SCAF11: variants seen among roughly 807,000 people sequenced by gnomAD.
The protein encoded by SCAF11 is protein SCAF11.
A neutral mutation model predicts 140.5 loss-of-function variants in SCAF11; 47 were observed. The ratio of observed to expected loss-of-function variants is 0.33; its 90% CI spans 0.26 to 0.43. The LOEUF is 0.43. Ranked by LOEUF, SCAF11 falls within the 20% of genes least tolerant of loss-of-function variation. The pLI is 1.00. For missense variants in SCAF11, 1,645 were observed against 1,705.1 expected (o/e 0.96, Z 0.62); for synonymous variants, 557 against 579.4 (o/e 0.96, Z 0.55).
intron 1 of SCAF11, among the ~76,000 whole-genome samples, chr12:45,972,963 T>TCG (rs1946137745): frequency 7.7e-6 from 1 of 129,424 alleles, no homozygotes; most frequent in Non-Finnish European, 1.6e-5. Context: ...TATATAGATA[T>TCG]ATATATAGAT....
chr12:45,990,580 T>TC, upstream of SCAF11: 1 of 1,229,404 alleles, frequency 8.1e-7, no homozygotes, highest in Non-Finnish European at 1.0e-6. Context: ...TACTCCCCCT[T>TC]CCCCCGCCTT....
chr12:45,945,116 G>A (rs1945389419), intron 6 of SCAF11, 133 bp downstream of exon 6: 6 of 650,384 alleles, frequency 9.2e-6, no homozygotes, highest in Middle Eastern at 2.9e-4. Flanking sequence ...ATTTATGTAG[G>A]ATTTAACACA....
rs1028890771 is a variant in SCAF11, at chr12:45,928,227, C to T, written c.1474G>A (p.Val492Ile). ...LPVLVGEEGE[V>I]KKLENTGIEA... ...ATACCTGTATTCTCGAGTTTTTTAA[C>T]TTCCCCTTCCTCACCAACTAGCACA... is the stretch of plus-strand genomic sequence containing the variant. The change falls in exon 11 of 15, where the codon GTT becomes ATT. Residue 492 changes from valine to isoleucine, a missense_variant. Val to Ile is a conservative substitution (Grantham distance 29). Transcript: ENST00000369367. 6.2e-7 allele frequency: 1 copy of T among 1,614,008 alleles called. No homozygotes were observed. Among genetic ancestry groups the T allele is most frequent in the South Asian group, 1.1e-5 (1 of 91,084 alleles).
intron 6 of SCAF11, among the ~76,000 whole-genome samples, chr12:45,940,792 C>T (rs1270110555): frequency 1.3e-5 from 2 of 152,074 alleles, no homozygotes; most frequent in East Asian, 3.9e-4. Flanking sequence ...TCTTCCTTTT[C>T]AGTCTTATTT....
At chr12:45,982,906 C>T (rs975236457) in intron 1 of SCAF11, among the ~76,000 whole-genome samples, 3 of 152,052 alleles carry the variant, frequency 2.0e-5, no homozygotes, top group South Asian at 2.1e-4. Context: ...TATCACTTCC[C>T]GGTACAAGGA....
chr12:45,934,094 C>A, intron 8 of SCAF11, 82 bp downstream of exon 8: 2 of 800,200 alleles, frequency 2.5e-6, no homozygotes, highest in Non-Finnish European at 3.7e-6. Flanking sequence ...TTATTGGGCC[C>A]AGAGTTTAAA....
At chr12:45,939,670 C>A (rs1210530962) in intron 6 of SCAF11, among the ~76,000 whole-genome samples, 1 of 152,212 alleles carries the variant, frequency 6.6e-6, no homozygotes, top group East Asian at 1.9e-4. Context: ...TGAGATCGTG[C>A]CATTGCACTC....
intron 1 of SCAF11, among the ~76,000 whole-genome samples, chr12:45,986,519 T>C (rs2136674671): frequency 6.6e-6 from 1 of 152,304 alleles, no homozygotes; most frequent in Admixed American, 6.5e-5. Context: ...CTCTCCTCCC[T>C]TTCAATACAC....
chr12:45,984,656 G>C (rs1374842490), intron 1 of SCAF11, among the ~76,000 whole-genome samples: 2 of 150,402 alleles, frequency 1.3e-5, no homozygotes, highest in Non-Finnish European at 3.0e-5. Context: ...AGCCTTTCAA[G>C]ATAGTTTCTG....
chr12:45,952,730 G>A (rs1434385092), intron 3 of SCAF11, among the ~76,000 whole-genome samples: 1 of 152,088 alleles, frequency 6.6e-6, no homozygotes, highest in African/African-American at 2.4e-5. Context: ...TTTTCTATTA[G>A]GGTAGGAGGG....
At chr12:45,982,146 T>G (rs1378139790) in intron 1 of SCAF11, among the ~76,000 whole-genome samples, 1 of 152,180 alleles carries the variant, frequency 6.6e-6, no homozygotes. Context: ...ATGAAGCTAT[T>G]TCGTTTCATC....
intron 11 of SCAF11, among the ~76,000 whole-genome samples, chr12:45,925,351 G>A (rs2136499608): frequency 6.6e-6 from 1 of 152,200 alleles, no homozygotes; most frequent in African/African-American, 2.4e-5. Flanking sequence ...TCAGGTGTTC[G>A]AGAGCAGCCT....
intron 1 of SCAF11, chr12:45,974,819 C>A (rs1307892687): frequency 6.5e-6 from 1 of 153,820 alleles, no homozygotes; most frequent in South Asian, 2.0e-4. Context: ...TTTATGGCAT[C>A]TAGAATGGTG....
At chr12:45,972,118 A>G (rs527819598) in intron 1 of SCAF11, among the ~76,000 whole-genome samples, 3 of 152,328 alleles carry the variant, frequency 2.0e-5, no homozygotes, top group Admixed American at 6.5e-5. Context: ...GAAATATAAG[A>G]TAAACCTCCA....
chr12:45,966,893 A>G (rs982421354), intron 1 of SCAF11, among the ~76,000 whole-genome samples: 1 of 152,214 alleles, frequency 6.6e-6, no homozygotes, highest in African/African-American at 2.4e-5. Context: ...GAATAAAAAA[A>G]TATTAAGGTT....
At position 45,951,650 on chromosome 12, in the gene SCAF11, C is replaced by T. The variant is rs749842070; in HGVS notation, c.297G>A (p.Lys99=). 6.4e-7 allele frequency: 1 copy of T among 1,562,962 alleles called. No homozygotes were observed. The highest frequency in any genetic ancestry group is 1.8e-5 in the Admixed American group (1 of 56,086). The change falls in exon 4 of 15, where the codon AAG becomes AAA. Residue 99 remains lysine (K), a splice_region_variant and synonymous_variant. Transcript: ENST00000369367. ...CATGTTGCAGAATAAAAAGACTTACCTTAACATAACCTTCCAATGCACTGA... is the reference window on the plus strand; with the variant it reads ...CATGTTGCAGAATAAAAAGACTTACTTTAACATAACCTTCCAATGCACTGA... ...FKFSALEGYV[K]VQVKKQLRET...
chr12:45,932,970 T>C (rs1236704961), intron 9 of SCAF11, among the ~76,000 whole-genome samples, 161 bp downstream of exon 9: 1 of 152,156 alleles, frequency 6.6e-6, no homozygotes, highest in Non-Finnish European at 1.5e-5. Context: ...GGGTCCTTTA[T>C]ATAGCAATCT....
chr12:45,921,840 G>T lies in SCAF11; in HGVS notation c.*208C>A. ...AACCCTTTACTTTCCCTTGAATTTT[G>T]TGGGGGAGGGTGGAGGGGAAGGAAG... On this transcript the variant is annotated 3_prime_UTR_variant, in exon 15 of 15. Transcript: ENST00000369367. The T allele has an allele frequency of 3.8e-6, 2 of 528,514 alleles. No individual in the cohort carries two copies. The highest frequency in any genetic ancestry group is 3.4e-5 in the East Asian group (1 of 29,202). The allele number at this position is 528,514 out of a possible 1,614,324, so 32.7% of individuals were successfully genotyped here.
At position 45,920,141 on chromosome 12, in the gene SCAF11, T is replaced by C. The variant is rs1944673034; in HGVS notation, c.*1907A>G. 6.6e-6 allele frequency: 1 copy of C among 152,152 alleles called. No individual in the cohort carries two copies. Among genetic ancestry groups the C allele is most frequent in the Non-Finnish European group, 1.5e-5 (1 of 68,018 alleles). The allele number at this position is 152,152 out of a possible 1,614,324, so 9.4% of individuals were successfully genotyped here. A position where few individuals can be genotyped will look rare whatever the true frequency, so the allele number is the denominator to read the frequency against. ...AAATATATACCAGTAGAATACCATA[T>C]TACAAATGCCCAGAAATGTAGAATA... On this transcript the variant is annotated 3_prime_UTR_variant, in exon 15 of 15. Coordinates refer to ENST00000369367, the MANE Select transcript of SCAF11 (RefSeq NM_004719.3).
Sources: gnomAD v4.1 joint callset for allele counts (sites outside exome capture counted in the v4.1 genomes callset) on GRCh38, gnomAD v4.1.1 for gene constraint, MANE v1.5 for transcripts, NCBI Gene and HGNC (gene_info 2026-07-23, HGNC 2026-07-21) for gene names.